Variants in NRG3 observed in about 807,000 individuals in gnomAD.
NRG3 encodes pro-neuregulin-3, membrane-bound isoform.
Under a neutral mutation model 66.9 loss-of-function variants are expected in NRG3, and 31 were observed. The ratio of observed to expected loss-of-function variants is 0.46; its 90% CI spans 0.35 to 0.63. The LOEUF is 0.63. NRG3 is among the 20% of genes least tolerant of loss of function. The pLI is 0.00. For synonymous variants in NRG3, 393 were observed against 359.4 expected (o/e 1.09, Z -1.06); for missense variants, 910 against 878.9 (o/e 1.04, Z -0.45).
At chr10:82,245,189 C>T (rs2077180882) in intron 1 of NRG3, among the ~76,000 whole-genome samples, 1 of 152,108 alleles carries the variant, frequency 6.6e-6, no homozygotes, top group South Asian at 2.1e-4. Flanking sequence ...GAGGCAGTGA[C>T]AGATTATGAG....
chr10:82,386,325 A>T (rs528021335), intron 2 of NRG3, among the ~76,000 whole-genome samples: 2 of 152,246 alleles, frequency 1.3e-5, no homozygotes, highest in African/African-American at 4.8e-5. Context: ...TTTTTTATGC[A>T]AGAAGATAAA....
At chr10:82,955,781 A>G (rs1439336769) in intron 5 of NRG3, among the ~76,000 whole-genome samples, 1 of 151,932 alleles carries the variant, frequency 6.6e-6, no homozygotes, top group African/African-American at 2.4e-5. Context: ...TCTTCTTCAG[A>G]TATGGAGGAT....
intron 4 of NRG3, among the ~76,000 whole-genome samples, chr10:82,924,008 G>T (rs1212377163): frequency 6.8e-6 from 1 of 146,190 alleles, no homozygotes; most frequent in Non-Finnish European, 1.5e-5. Flanking sequence ...TGAGACACGA[G>T]AATTGCTTGA....
At chr10:82,454,835 T>G (rs374011208) in intron 2 of NRG3, among the ~76,000 whole-genome samples, 6 of 152,152 alleles carry the variant, frequency 3.9e-5, no homozygotes, top group African/African-American at 1.4e-4. Context: ...CTAAAGGAAA[T>G]CTGTACATCA....
At chr10:81,890,375 A>G (rs1842922402) in intron 1 of NRG3, among the ~76,000 whole-genome samples, 1 of 152,234 alleles carries the variant, frequency 6.6e-6, no homozygotes, top group African/African-American at 2.4e-5. Flanking sequence ...CAGTGGTAAG[A>G]ATTTTGTGAT....
chr10:82,642,139 C>T (rs2050624343), intron 2 of NRG3, among the ~76,000 whole-genome samples: 1 of 152,130 alleles, frequency 6.6e-6, no homozygotes, highest in Admixed American at 6.6e-5. Flanking sequence ...AAGATAATGG[C>T]CTACAGTTCC....
At chr10:82,585,022 CG>C (rs1565097568) in intron 2 of NRG3, among the ~76,000 whole-genome samples, 1 of 37,880 alleles carries the variant, frequency 2.6e-5, no homozygotes, top group Admixed American at 3.1e-4. Context: ...GGGGGGGGAA[CG>C]GGGGGAGTTT....
chr10:82,625,684 C>G (rs1364549584), intron 2 of NRG3, among the ~76,000 whole-genome samples: 1 of 152,032 alleles, frequency 6.6e-6, no homozygotes, highest in Non-Finnish European at 1.5e-5. Context: ...CACCACTGAC[C>G]CAAACATTTC....
intron 2 of NRG3, among the ~76,000 whole-genome samples, chr10:82,579,470 A>G (rs1171602405): frequency 1.3e-5 from 2 of 151,954 alleles, no homozygotes; most frequent in Admixed American, 6.6e-5. Context: ...GATTTTCTCA[A>G]ATAAGGGCTC....
Position 82,671,173 on chromosome 10 carries a change from C to G in NRG3, c.954-67404C>G, listed in dbSNP as rs746373601. Among the ~76,000 whole-genome samples the G allele has an allele frequency of 3.9e-5, 6 of 152,314 alleles. No homozygotes were observed. In the Middle Eastern group the frequency reaches 0.017, roughly 432 times the overall value. ...GCCTGGAAAACCCATCATGCTTCAG[C>G]GTACTATGGCCTTAAAACAGCTGCA... On this transcript the variant is annotated intron_variant, in intron 2 of 8. Transcript: ENST00000372141.
intron 2 of NRG3, among the ~76,000 whole-genome samples, chr10:82,529,363 G>C (rs1847037072): frequency 6.6e-6 from 1 of 152,194 alleles, no homozygotes. Flanking sequence ...AGGAGTTAGA[G>C]TAATACATGG....
At chr10:82,078,154 T>C (rs942089639) in intron 1 of NRG3, among the ~76,000 whole-genome samples, 1 of 152,164 alleles carries the variant, frequency 6.6e-6, no homozygotes, top group African/African-American at 2.4e-5. Context: ...ATTTACCTAC[T>C]CTTGTTATGT....
intron 1 of NRG3, among the ~76,000 whole-genome samples, chr10:82,272,231 A>G (rs927431220): frequency 6.6e-6 from 1 of 152,042 alleles, no homozygotes; most frequent in Non-Finnish European, 1.5e-5. Flanking sequence ...CAAGAAAAAA[A>G]TGTGAATTCT....
chr10:82,377,198 T>C (rs1221766226), intron 2 of NRG3, among the ~76,000 whole-genome samples: 2 of 152,238 alleles, frequency 1.3e-5, no homozygotes, highest in Admixed American at 6.5e-5. Context: ...TAAAGAATAT[T>C]AAGCGATCGA....
chr10:82,812,396 C>T (rs1050370497), intron 3 of NRG3, among the ~76,000 whole-genome samples: 5 of 152,076 alleles, frequency 3.3e-5, no homozygotes, highest in Admixed American at 1.3e-4. Context: ...GAAGGTTCTT[C>T]GGCTCAAGAA....
chr10:82,378,341 A>G (rs1417105257), intron 2 of NRG3, among the ~76,000 whole-genome samples: 1 of 152,204 alleles, frequency 6.6e-6, no homozygotes, highest in East Asian at 1.9e-4. Context: ...CTAGAGCAGG[A>G]GGCAGCTCAT....
At chr10:82,908,159 A>G (rs1844940047) in intron 4 of NRG3, among the ~76,000 whole-genome samples, 1 of 152,240 alleles carries the variant, frequency 6.6e-6, no homozygotes, top group Non-Finnish European at 1.5e-5. Context: ...ACCAACTCCC[A>G]TTCCTTTGCA....
intron 1 of NRG3, among the ~76,000 whole-genome samples, chr10:82,070,702 G>T (rs1049345773): frequency 6.6e-6 from 1 of 151,996 alleles, no homozygotes; most frequent in African/African-American, 2.4e-5. Flanking sequence ...TGACTAGGCA[G>T]GTCACAAAAG....
chr10:82,621,980 G>T (rs2049069281), intron 2 of NRG3, among the ~76,000 whole-genome samples: 1 of 152,136 alleles, frequency 6.6e-6, no homozygotes, highest in African/African-American at 2.4e-5. Flanking sequence ...CACAGGATAT[G>T]CAAGGAAAAA....
Sources: gnomAD v4.1 joint callset for allele counts (sites outside exome capture counted in the v4.1 genomes callset) on GRCh38, gnomAD v4.1.1 for gene constraint, MANE v1.5 for transcripts, NCBI Gene and HGNC (gene_info 2026-07-23, HGNC 2026-07-21) for gene names.